The following PRKAR1A variants were observed in gnomAD, a reference collection of about 807,000 sequenced individuals.
PRKAR1A encodes cAMP-dependent protein kinase type I-alpha regulatory subunit.
A neutral mutation model predicts 52.0 loss-of-function variants in PRKAR1A; 3 were observed. The observed-to-expected ratio is 0.06, with a 90% confidence interval of 0.03 to 0.15. PRKAR1A has a LOEUF of 0.15. Ranked by LOEUF, PRKAR1A falls within the 10% of genes least tolerant of loss-of-function variation. PRKAR1A has a pLI of 1.00. For synonymous variants in PRKAR1A, 188 were observed against 168.4 expected (o/e 1.12, Z -0.90); for missense variants, 240 against 477.4 (o/e 0.50, Z 4.63).
At chr17:68,441,955 CTTTTATCTGA>C in the PRKAR1A span, among the ~76,000 whole-genome samples, 1 of 152,158 alleles carries the variant, frequency 6.6e-6, no homozygotes, top group Non-Finnish European at 1.5e-5. Flanking sequence ...AGGAGGCATT[CTTTTATCTGA>C]GACAGAGGAA....
chr17:68,483,127 T>TA, the PRKAR1A span, among the ~76,000 whole-genome samples: 11 of 152,070 alleles, frequency 7.2e-5, no homozygotes, highest in Admixed American at 5.2e-4. Context: ...TTGAGTTTTT[T>TA]TTTTTGTCTA....
Position 68,530,998 on chromosome 17 carries a change from A to C in PRKAR1A, c.*549A>C. ...GGGTGGAAAAATGCCCATTTTTGCT[A>C]ATTATCAATGGGATATGATTGGTTC... is the stretch of plus-strand genomic sequence containing the variant. On this transcript the variant is annotated 3_prime_UTR_variant, in exon 11 of 11. Coordinates refer to ENST00000589228, the MANE Select transcript of PRKAR1A (RefSeq NM_002734.5). 9.3e-7 allele frequency: 1 copy of C among 1,077,970 alleles called. No individual in the cohort carries two copies. Among genetic ancestry groups the C allele is most frequent in the Non-Finnish European group, 1.1e-6 (1 of 885,882 alleles). The allele number at this position is 1,077,970 out of a possible 1,614,324, so 66.8% of individuals were successfully genotyped here. A position where few individuals can be genotyped will look rare whatever the true frequency, so the allele number is the denominator to read the frequency against.
At chr17:68,496,354 T>C in the PRKAR1A span, among the ~76,000 whole-genome samples, 26,420 of 151,636 alleles carry the variant, frequency 0.17, 2,945 homozygotes, top group East Asian at 0.48. Context: ...CTCTGCATTT[T>C]CAAAGCCAGC....
chr17:68,441,781 T>C, the PRKAR1A span, among the ~76,000 whole-genome samples: 6 of 152,234 alleles, frequency 3.9e-5, no homozygotes. Flanking sequence ...TCCATTTTAC[T>C]GCAGTAGAAA....
the PRKAR1A span, among the ~76,000 whole-genome samples, chr17:68,451,195 CTGAGGCAGGAGAATCACT>C: frequency 6.6e-6 from 1 of 152,232 alleles, no homozygotes; most frequent in East Asian, 1.9e-4. Context: ...CTTTGGGAGG[CTGAGGCAGGAGAATCACT>C]TGAGGCCAGG....
chr17:68,425,382 C>CT, the PRKAR1A span, among the ~76,000 whole-genome samples: 33 of 132,288 alleles, frequency 2.5e-4, no homozygotes, highest in East Asian at 8.9e-4. Context: ...TTTTTCTTTT[C>CT]TTTTTTTTTT....
downstream of PRKAR1A, among the ~76,000 whole-genome samples, chr17:68,534,896 T>C (rs549777767): frequency 6.6e-6 from 1 of 152,352 alleles, no homozygotes; most frequent in South Asian, 2.1e-4. Flanking sequence ...GTATTTCCCC[T>C]AGGAGCAATG....
chr17:68,420,838 T>C, the PRKAR1A span: 1 of 211,274 alleles, frequency 4.7e-6, no homozygotes, highest in Non-Finnish European at 9.5e-6. Flanking sequence ...AGACATTCAA[T>C]ACATTTTAGT....
At chr17:68,425,880 G>C in the PRKAR1A span, 5 of 553,006 alleles carry the variant, frequency 9.0e-6, no homozygotes, top group East Asian at 1.2e-4. Context: ...GGTTTAGCTC[G>C]ACACCTAAAG....
the PRKAR1A span, among the ~76,000 whole-genome samples, chr17:68,450,493 C>G: frequency 6.6e-6 from 1 of 152,216 alleles, no homozygotes; most frequent in African/African-American, 2.4e-5. Flanking sequence ...TGCAGCCTAC[C>G]AGTCAGGGAC....
At chr17:68,482,310 C>A in the PRKAR1A span, among the ~76,000 whole-genome samples, 2 of 152,180 alleles carry the variant, frequency 1.3e-5, no homozygotes, top group African/African-American at 4.8e-5. Flanking sequence ...TTCACAAAAA[C>A]CTTACGAAGA....
At chr17:68,486,508 T>TCCTTCCTTCCTTCC in the PRKAR1A span, among the ~76,000 whole-genome samples, 1 of 49,558 alleles carries the variant, frequency 2.0e-5, no homozygotes, top group Non-Finnish European at 4.3e-5. Flanking sequence ...CTTCCTTCCT[T>TCCTTCCTTCCTTCC]CTTTCTTTCT....
chr17:68,416,621 G>A, the PRKAR1A span, among the ~76,000 whole-genome samples: 2 of 152,080 alleles, frequency 1.3e-5, no homozygotes, highest in South Asian at 2.1e-4. Flanking sequence ...AGATTTGGTC[G>A]TTTAACATAA....
chr17:68,480,125 G>A, the PRKAR1A span, among the ~76,000 whole-genome samples: 4 of 152,180 alleles, frequency 2.6e-5, no homozygotes, highest in Non-Finnish European at 2.9e-5. Context: ...ATTTCTAGAA[G>A]TTATTTGATC....
the PRKAR1A span, among the ~76,000 whole-genome samples, chr17:68,471,653 C>T: frequency 1.3e-5 from 2 of 152,294 alleles, no homozygotes; most frequent in Non-Finnish European, 2.9e-5. Flanking sequence ...GGGAGGTCTT[C>T]GCCAGGGATG....
the PRKAR1A span, among the ~76,000 whole-genome samples, chr17:68,438,266 G>A: frequency 1.4e-5 from 2 of 147,446 alleles, no homozygotes; most frequent in African/African-American, 2.5e-5. Flanking sequence ...CCCCTTTGGC[G>A]ATACAAGGTC....
At chr17:68,534,225 A>G (rs1412737441), downstream of PRKAR1A, among the ~76,000 whole-genome samples, 1 of 152,098 alleles carries the variant, frequency 6.6e-6, no homozygotes, top group Non-Finnish European at 1.5e-5. Context: ...ACTGAGTAAG[A>G]TTTTTTCATT....
At chr17:68,520,391 C>T (rs139394923) in intron 2 of PRKAR1A, among the ~76,000 whole-genome samples, 12 of 152,252 alleles carry the variant, frequency 7.9e-5, no homozygotes, top group Admixed American at 7.8e-4. Flanking sequence ...AAACCGAATG[C>T]AGAATTTGAA....
rs758262748 is a variant in PRKAR1A at position 68,530,702 on chromosome 17, G to A, written c.*253G>A. ...TACTGCTTCTCTTTGTGCAGTGTTA[G>A]TATTCACCCTGGGCAGTGAGTGCCA... On this transcript the variant is annotated 3_prime_UTR_variant, in exon 11 of 11. Transcript: ENST00000589228. The A allele has an allele frequency of 2.2e-6, 3 of 1,389,956 alleles. No homozygotes were observed. Among genetic ancestry groups the A allele is most frequent in the African/African-American group, 1.4e-5 (1 of 69,246 alleles). 86.1% of individuals were successfully genotyped at this position (1,389,956 alleles called of 1,614,324 possible).
Sources: allele counts gnomAD v4.1 joint callset (sites outside exome capture counted in the v4.1 genomes callset), GRCh38; gene constraint gnomAD v4.1.1; transcripts MANE v1.5; gene names NCBI Gene and HGNC (gene_info 2026-07-23, HGNC 2026-07-21).